SIPA1: variants seen among roughly 807,000 people sequenced by gnomAD.
SIPA1 encodes the protein signal-induced proliferation-associated protein 1.
SIPA1 carries 51 observed loss-of-function variants against 88.1 expected under a neutral mutation model. That is an observed-to-expected ratio of 0.58 (90% CI 0.46 to 0.73). The LOEUF (loss-of-function observed/expected upper bound fraction) is 0.73, where lower values mean the gene tolerates loss of function less well. Among genes scored for constraint, SIPA1 ranks in the 30% least tolerant of loss-of-function variants. The pLI, the probability that SIPA1 is intolerant of heterozygous loss-of-function variation, is 0.00. For synonymous variants in SIPA1, 681 were observed against 664.8 expected (o/e 1.02, Z -0.37); for missense variants, 1,348 against 1,467.6 (o/e 0.92, Z 1.33).
At chr11:65,649,712 G>A in intron 11 of SIPA1, 40 bp downstream of exon 11, 2 of 1,613,906 alleles carry the variant, frequency 1.2e-6, no homozygotes, top group African/African-American at 2.7e-5. Flanking sequence ...CAGCACAGTG[G>A]TGACAGTGGG....
intron 12 of SIPA1, 26 bp downstream of exon 12, chr11:65,649,891 G>A (rs766068541): frequency 6.2e-7 from 1 of 1,613,474 alleles, no homozygotes; most frequent in Non-Finnish European, 8.5e-7. Context: ...GGAGAGCAGG[G>A]GAGGGGTTGG....
intron 5 of SIPA1, among the ~76,000 whole-genome samples, chr11:65,645,332 C>T (rs1449416595): frequency 6.6e-6 from 1 of 152,138 alleles, no homozygotes; most frequent in Non-Finnish European, 1.5e-5. Flanking sequence ...GGCCCAAGTA[C>T]CCTACTGCCT....
rs557838445 is a variant in SIPA1 at position 65,641,310 on chromosome 11, C to T, written c.389C>T (p.Pro130Leu). Reference sequence around the variant, plus strand: ...CAAAGCCTGCTCTTTGATTGGGCTCCGAGGTCTCAGGGGATGGGGAGCCAC... The same window carrying T: ...CAAAGCCTGCTCTTTGATTGGGCTCTGAGGTCTCAGGGGATGGGGAGCCAC... ...DVQSLLFDWA[P>L]RSQGMGSHSE... The change falls in exon 2 of 16, where the codon CCG (proline) becomes CTG (leucine). Residue 130 changes from proline to leucine, a missense_variant. Coordinates refer to ENST00000534313, the MANE Select transcript of SIPA1 (RefSeq NM_006747.4). The T allele has an allele frequency of 5.6e-6, 9 of 1,613,456 alleles. No individual in the cohort carries two copies. Among genetic ancestry groups the T allele is most frequent in the Middle Eastern group, 1.6e-4 (1 of 6,076 alleles).
rs1856096936 is a variant in SIPA1 at position 65,645,682 on chromosome 11, C to T, written c.1160-172C>T. The T allele has an allele frequency of 1.1e-5, 6 of 563,740 alleles. No individual in the cohort carries two copies. In the South Asian group the frequency reaches 1.2e-4, roughly 11 times the overall value. 34.9% of individuals were successfully genotyped at this position (563,740 alleles called of 1,614,324 possible). A position where few individuals can be genotyped will look rare whatever the true frequency, so the allele number is the denominator to read the frequency against. On this transcript the variant is annotated intron_variant, in intron 5 of 15. Coordinates refer to ENST00000534313, the MANE Select transcript of SIPA1 (RefSeq NM_006747.4). ...TGTGGAGGGAGAGGAGGAGGGGCAC[C>T]CAGGGCTGAGGCCCTTGAATCTCGC...
chr11:65,647,690 G>A lies in SIPA1; in HGVS notation c.2306+32G>A, dbSNP rs1344040999. 1.1e-5 allele frequency: 15 copies of A among 1,317,418 alleles called. No individual in the cohort carries two copies. In the African/African-American group the frequency reaches 1.4e-4, roughly 12 times the overall value. The allele number at this position is 1,317,418 out of a possible 1,614,324, so 81.6% of individuals were successfully genotyped here. A position where few individuals can be genotyped will look rare whatever the true frequency, so the allele number is the denominator to read the frequency against. On this transcript the variant is annotated intron_variant, in intron 9 of 15. Transcript: ENST00000534313. ...GTGCCGGGGACGCGGGGAGGTGGGA[G>A]GGCCGGCAGTTGGCCACCGCGCAGT...
chr11:65,642,210 G>C lies in SIPA1; in HGVS notation c.680-40G>C. On this transcript the variant is annotated intron_variant, in intron 2 of 15. Coordinates refer to ENST00000534313, the MANE Select transcript of SIPA1 (RefSeq NM_006747.4). The surrounding 1 kb of genome is among the most constrained non-coding windows in gnomAD (Gnocchi z 6.5). ...TGGTCGAGCGGGGGCGGGGCTGCCA[G>C]AGGGCGGGACCAATCGTTTTCTTCG... is the stretch of plus-strand genomic sequence containing the variant. The C allele has an allele frequency of 6.5e-7, 1 of 1,539,340 alleles. No homozygotes were observed.
intron 14 of SIPA1, 24 bp from the exon 15 acceptor site, chr11:65,650,377 G>A: frequency 4.3e-6 from 7 of 1,612,128 alleles, no homozygotes; most frequent in Non-Finnish European, 5.9e-6. Context: ...TGGTCCTGCT[G>A]AGTCTTGACC....
In SIPA1 at chr11:65,650,732, T is replaced by C; in HGVS notation, c.*17T>C. ...CTGGCCTGAGCCGTCTGGAACCACC[T>C]GGGCCCCTGAGGGCACTGTGGTCAC... is the stretch of plus-strand genomic sequence containing the variant. On this transcript the variant is annotated 3_prime_UTR_variant, in exon 16 of 16. Coordinates refer to ENST00000534313, the MANE Select transcript of SIPA1 (RefSeq NM_006747.4). 3 of 1,552,018 alleles carry C rather than the reference T, an allele frequency of 1.9e-6. No homozygotes were observed. Among genetic ancestry groups the C allele is most frequent in the East Asian group, 2.3e-5 (1 of 42,630 alleles).
chr11:65,647,418 C>T lies in SIPA1; in HGVS notation c.2066C>T (p.Ala689Val). 6.8e-7 allele frequency: 1 copy of T among 1,471,128 alleles called. No individual in the cohort carries two copies. The highest frequency in any genetic ancestry group is 8.9e-7 in the Non-Finnish European group (1 of 1,118,330). 91.1% of individuals were successfully genotyped at this position (1,471,128 alleles called of 1,614,324 possible). ...VSRGCETREL[A>V]LPRDGQGRLG... is the part of the protein sequence containing the mutation. ...CGTGGCTGCGAGACCCGCGAGCTGG[C>T]GCTGCCCCGCGACGGTCAAGGCCGC... Residue 689 changes from alanine (A) to valine (V), a missense_variant, in exon 9 of 16, where the codon GCG becomes GTG. Transcript: ENST00000534313.
chr11:65,640,708 C>T (rs571205131), intron 1 of SIPA1, 123 bp from the exon 2 acceptor site: 61 of 507,530 alleles, frequency 1.2e-4, no homozygotes, highest in Admixed American at 3.1e-4. Context: ...GCCTGGAAAG[C>T]GGAAGCAGCT....
rs201888144 is a variant in SIPA1 at position 65,650,558 on chromosome 11, C to T, written c.2983-11C>T. On this transcript the variant is annotated splice_polypyrimidine_tract_variant and intron_variant, in intron 15 of 15. Coordinates refer to ENST00000534313, the MANE Select transcript of SIPA1 (RefSeq NM_006747.4). ...CTGGCGGCTCTGACTCCTGTCTCCCCGGCACCCCAGGAGAAGGCGGACAGG... is the reference window on the plus strand; with the variant it reads ...CTGGCGGCTCTGACTCCTGTCTCCCTGGCACCCCAGGAGAAGGCGGACAGG... 27 of 1,608,216 alleles carry T rather than the reference C, an allele frequency of 1.7e-5. No individual in the cohort carries two copies. Among genetic ancestry groups the T allele is most frequent in the Admixed American group, 5.1e-5 (3 of 58,910 alleles).
In SIPA1 at chr11:65,649,616, G is replaced by A; in HGVS notation, c.2581G>A (p.Ala861Thr). Residue 861 changes from alanine (A) to threonine (T), a missense_variant, in exon 11 of 16, where the codon GCC (alanine) becomes ACC (threonine). Around this residue, in one of 4 missense-constraint regions of SIPA1, gnomAD observed 615 missense variants for 559.8 expected, o/e 1.10. Transcript: ENST00000534313. ...CAACACCACCCCGGACCTCCTCCTGGCCACCACAGCCAAGCCATCAGTACC... is the reference window on the plus strand; with the variant it reads ...CAACACCACCCCGGACCTCCTCCTGACCACCACAGCCAAGCCATCAGTACC... ...LPNTTPDLLL[A>T]TTAKPSVPSA... The A allele has an allele frequency of 1.2e-6, 2 of 1,613,984 alleles. No homozygotes were observed. The highest frequency in any genetic ancestry group is 8.5e-7 in the Non-Finnish European group (1 of 1,179,994).
rs1426191567 is a variant in SIPA1, at chr11:65,647,021, G to A, written c.1987G>A (p.Gly663Arg). ...RGEAITLRFD[G>R]SPGQAVGEVV... ...GGAGGCGATCACGCTGCGCTTCGAC[G>A]GGTCCCCCGGCCAAGCCGTGGGCGA... The change falls in exon 8 of 16, where the codon GGG becomes AGG. Residue 663 changes from glycine (G) to arginine (R), a missense_variant. Physicochemically the swap from Gly to Arg is moderately radical, Grantham distance 125. Coordinates refer to ENST00000534313, the MANE Select transcript of SIPA1 (RefSeq NM_006747.4). 1.9e-6 allele frequency: 3 copies of A among 1,541,674 alleles called. No individual in the cohort carries two copies. The highest frequency in any genetic ancestry group is 2.6e-6 in the Non-Finnish European group (3 of 1,150,010).
rs1404855844 is a variant in SIPA1 at position 65,649,461 on chromosome 11, A to C, written c.2506A>C (p.Asn836His). 6.2e-7 allele frequency: 1 copy of C among 1,611,884 alleles called. No homozygotes were observed. Among genetic ancestry groups the C allele is most frequent in the Non-Finnish European group, 8.5e-7 (1 of 1,179,032 alleles). Residue 836 changes from asparagine (N) to histidine (H), a missense_variant, in exon 10 of 16, where the codon AAC becomes CAC. This residue lies in a region of SIPA1 where 615 missense variants were observed against 559.8 expected (regional missense o/e 1.10). Coordinates refer to ENST00000534313, the MANE Select transcript of SIPA1 (RefSeq NM_006747.4). ...EERTEFLHSQ[N>H]SLSPRSSLSD... ...GAGGACTGAGTTCCTGCACAGCCAG[A>C]ACTCGCTGTCACCACGCAGGTGCAC...
Position 65,646,531 on chromosome 11 carries a change from C to T in SIPA1, c.1497C>T (p.Ala499=). ...ALPAGGGPFA[A]NADFRAFLLA... The stretch of plus-strand genomic sequence containing the variant: ...CTGCTGGCGGAGGCCCCTTCGCAGC[C>T]AACGCCGACTTCCGGGCCTTCCTGC... The change falls in exon 8 of 16, where the codon GCC becomes GCT. Residue 499 remains alanine, a synonymous_variant. Coordinates refer to ENST00000534313, the MANE Select transcript of SIPA1 (RefSeq NM_006747.4). The surrounding 1 kb of genome is among the most constrained non-coding windows in gnomAD (Gnocchi z 7.5). The T allele has an allele frequency of 6.4e-7, 1 of 1,564,690 alleles. No individual in the cohort carries two copies. The highest frequency in any genetic ancestry group is 1.4e-5 in the African/African-American group (1 of 74,006).
At chr11:65,644,380 C>T (rs1205660341) in intron 4 of SIPA1, among the ~76,000 whole-genome samples, 10 of 151,200 alleles carry the variant, frequency 6.6e-5, no homozygotes, top group Admixed American at 6.6e-4. Flanking sequence ...CATCTGGGGA[C>T]CATATGGGGA....
Position 65,649,819 on chromosome 11 carries a change from C to T in SIPA1, c.2700C>T (p.Ala900=), listed in dbSNP as rs770126147. The T allele has an allele frequency of 3.1e-6, 5 of 1,614,128 alleles. No individual in the cohort carries two copies. Among genetic ancestry groups the T allele is most frequent in the Non-Finnish European group, 4.2e-6 (5 of 1,180,038 alleles). ...DKGNPAPELR[A]SFLPRTLSLR... ...GCAACCCGGCGCCGGAGCTGAGGGC[C>T]TCCTTTCTGCCACGTACCTTGTCTC... is the stretch of plus-strand genomic sequence containing the variant. Residue 900 remains alanine, a synonymous_variant, in exon 12 of 16, where the codon GCC becomes GCT. Transcript: ENST00000534313.
chr11:65,642,476 G>T lies in SIPA1; in HGVS notation c.821G>T (p.Arg274Leu), dbSNP rs771429539. Residue 274 changes from arginine to leucine, a missense_variant, in exon 4 of 16, where the codon CGT (arginine) becomes CTT (leucine). This residue lies in a region of SIPA1 where 641 missense variants were observed against 797.7 expected (regional missense o/e 0.80). Transcript: ENST00000534313. This position sits in a 1 kb window ranked among gnomAD's most constrained non-coding sequence, Gnocchi z 6.5. ...CCCCTTCCTCAGCTCCGGACACTCCGTGGCACCATCTCGGAGGACGCGCTG... is the reference window on the plus strand; with the variant it reads ...CCCCTTCCTCAGCTCCGGACACTCCTTGGCACCATCTCGGAGGACGCGCTG... The part of the protein sequence containing the change: ...IVRTTQLRTL[R>L]GTISEDALPP... 6.2e-7 allele frequency: 1 copy of T among 1,611,798 alleles called. No homozygotes were observed. Among genetic ancestry groups the T allele is most frequent in the South Asian group, 1.1e-5 (1 of 90,920 alleles).
Position 65,649,945 on chromosome 11 carries a change from C to T in SIPA1, c.2747-5C>T. ...CCTAGCTCAGCCTGCTCCTTGTGCC[C>T]ACAGTCATGTCGGAGGCGGGCAGTG... On this transcript the variant is annotated splice_region_variant and splice_polypyrimidine_tract_variant and intron_variant, in intron 12 of 15. Coordinates refer to ENST00000534313, the MANE Select transcript of SIPA1 (RefSeq NM_006747.4). 1 of 1,613,944 alleles carries T rather than the reference C, an allele frequency of 6.2e-7. No individual in the cohort carries two copies. The highest frequency in any genetic ancestry group is 1.1e-5 in the South Asian group (1 of 91,074).
Sources: gnomAD v4.1 joint callset for allele counts (sites outside exome capture counted in the v4.1 genomes callset) on GRCh38, gnomAD v4.1.1 for gene constraint, gnomAD v4.1.1 regional missense constraint, Gnocchi (gnomAD v3.1) non-coding constraint, MANE v1.5 for transcripts, NCBI Gene and HGNC (gene_info 2026-07-23, HGNC 2026-07-21) for gene names.